The following NOL4 variants were observed in gnomAD, a reference collection of about 807,000 sequenced individuals.
NOL4 encodes the protein cancer/testis antigen 125.
A neutral mutation model predicts 75.9 loss-of-function variants in NOL4; 17 were observed. The ratio of observed to expected loss-of-function variants is 0.22; its 90% confidence interval spans 0.15 to 0.34. The LOEUF (loss-of-function observed/expected upper bound fraction) is 0.34, where lower values mean the gene tolerates loss of function less well. Ranked by LOEUF, NOL4 falls within the 10% of genes least tolerant of loss-of-function variation. The pLI is 1.00. For synonymous variants in NOL4, 292 were observed against 289.9 expected (o/e 1.01, Z -0.07); for missense variants, 614 against 793.5 (o/e 0.77, Z 2.72).
At chr18:34,071,438 G>GACAC (rs61428886) in intron 5 of NOL4, among the ~76,000 whole-genome samples, 19,768 of 147,630 alleles carry the variant, frequency 0.13, 1,431 homozygotes, top group African/African-American at 0.18. Context: ...CAGACAGACA[G>GACAC]ACACACACAC....
chr18:34,028,481 T>G (rs1435290361), intron 5 of NOL4, among the ~76,000 whole-genome samples: 1 of 152,228 alleles, frequency 6.6e-6, no homozygotes, highest in African/African-American at 2.4e-5. Flanking sequence ...AACAGCCTAC[T>G]GCATTGATAG....
At chr18:34,170,379 G>T (rs759499440) in intron 1 of NOL4, among the ~76,000 whole-genome samples, 7 of 151,652 alleles carry the variant, frequency 4.6e-5, no homozygotes, top group Non-Finnish European at 1.0e-4. Flanking sequence ...TTAGTAGAGA[G>T]ATGGGTTTCA....
chr18:34,038,114 C>T (rs1354271163), intron 5 of NOL4, among the ~76,000 whole-genome samples: 2 of 151,926 alleles, frequency 1.3e-5, no homozygotes, highest in Non-Finnish European at 2.9e-5. Context: ...AGAAGACATA[C>T]AAATGGTTAA....
intron 1 of NOL4, among the ~76,000 whole-genome samples, chr18:34,131,091 C>CACACACAT (rs2080630153): frequency 6.6e-6 from 1 of 151,124 alleles, no homozygotes; most frequent in Admixed American, 6.6e-5. Context: ...CACACACACA[C>CACACACAT]ACACACACAC....
intron 1 of NOL4, among the ~76,000 whole-genome samples, chr18:34,198,546 T>C (rs188678130): frequency 3.9e-5 from 6 of 152,054 alleles, no homozygotes; most frequent in African/African-American, 1.4e-4. Flanking sequence ...TCAAATTAAA[T>C]GTATGAATCC....
chr18:34,147,165 C>T (rs1188138306), intron 1 of NOL4, among the ~76,000 whole-genome samples: 1 of 152,034 alleles, frequency 6.6e-6, no homozygotes, highest in Non-Finnish European at 1.5e-5. Context: ...CATCTGCAAA[C>T]ATAGACGATT....
At chr18:34,193,332 T>G (rs112215720) in intron 1 of NOL4, among the ~76,000 whole-genome samples, 2,646 of 152,160 alleles carry the variant, frequency 0.017, 84 homozygotes, top group African/African-American at 0.061. Context: ...ATTTATGGAA[T>G]GAGAGAAAAT....
intron 1 of NOL4, among the ~76,000 whole-genome samples, chr18:34,132,047 C>A (rs535478033): frequency 1.4e-4 from 22 of 152,316 alleles, no homozygotes; most frequent in African/African-American, 5.1e-4. Context: ...TATACTCTTT[C>A]TGGAAGCTCT....
intron 6 of NOL4, among the ~76,000 whole-genome samples, chr18:33,964,428 C>A (rs2070402095): frequency 7.0e-6 from 1 of 143,768 alleles, no homozygotes; most frequent in African/African-American, 2.6e-5. Context: ...GAAGTAAACT[C>A]ACCATCAAGA....
chr18:33,926,782 TAG>T (rs2067359715), intron 9 of NOL4, among the ~76,000 whole-genome samples: 1 of 152,056 alleles, frequency 6.6e-6, no homozygotes, highest in Non-Finnish European at 1.5e-5. Flanking sequence ...TGTATTTTAG[TAG>T]AGACGGGGTT....
chr18:33,904,541 A>C (rs1338340980), intron 9 of NOL4, among the ~76,000 whole-genome samples: 1 of 152,078 alleles, frequency 6.6e-6, no homozygotes, highest in Non-Finnish European at 1.5e-5. Flanking sequence ...TAACAGAACA[A>C]ACTCTTTGTG....
At chr18:34,013,662 A>C (rs1306045750) in intron 6 of NOL4, among the ~76,000 whole-genome samples, 2 of 151,936 alleles carry the variant, frequency 1.3e-5, no homozygotes, top group Non-Finnish European at 2.9e-5. Flanking sequence ...TCTCCTATTT[A>C]ACCAATGAGA....
chr18:33,960,637 C>A (rs1468028318), intron 6 of NOL4, among the ~76,000 whole-genome samples: 5 of 152,064 alleles, frequency 3.3e-5, no homozygotes, highest in Admixed American at 3.3e-4. Flanking sequence ...TATTATGCAT[C>A]AGGCACTATT....
chr18:34,117,737 G>T (rs551440377), intron 2 of NOL4, among the ~76,000 whole-genome samples: 2 of 152,240 alleles, frequency 1.3e-5, no homozygotes, highest in East Asian at 1.9e-4. Context: ...ATTTTTAATA[G>T]AATTTAGGAG....
chr18:34,089,715 C>T (rs1356274002), intron 5 of NOL4, among the ~76,000 whole-genome samples: 2 of 152,196 alleles, frequency 1.3e-5, no homozygotes, highest in Admixed American at 1.3e-4. Context: ...ACATTTGCAA[C>T]ATCTGAAGAT....
At chr18:33,882,680 A>G (rs1177916245) in intron 10 of NOL4, among the ~76,000 whole-genome samples, 2 of 151,506 alleles carry the variant, frequency 1.3e-5, no homozygotes, top group Non-Finnish European at 2.9e-5. Flanking sequence ...TGGAAATACC[A>G]TTTGACCCAG....
chr18:34,114,916 A>T (rs2079778584), intron 2 of NOL4, among the ~76,000 whole-genome samples: 1 of 152,204 alleles, frequency 6.6e-6, no homozygotes, highest in South Asian at 2.1e-4. Context: ...AAATGTCATC[A>T]CAGAAAAATT....
chr18:34,106,084 G>A (rs899056922), intron 2 of NOL4, among the ~76,000 whole-genome samples: 1 of 152,006 alleles, frequency 6.6e-6, no homozygotes, highest in African/African-American at 2.4e-5. Flanking sequence ...TATAAGATAA[G>A]CAATAGGAAT....
At chr18:34,033,409 T>C (rs1265626031) in intron 5 of NOL4, among the ~76,000 whole-genome samples, 1 of 151,864 alleles carries the variant, frequency 6.6e-6, no homozygotes, top group Non-Finnish European at 1.5e-5. Flanking sequence ...AAGTTAAAAA[T>C]ACATTTGAAA....
Sources: allele counts gnomAD v4.1 joint callset (sites outside exome capture counted in the v4.1 genomes callset), GRCh38; gene constraint gnomAD v4.1.1; transcripts MANE v1.5; gene names NCBI Gene and HGNC (gene_info 2026-07-23, HGNC 2026-07-21).